The following ALK variants were observed in gnomAD, a reference collection of about 807,000 sequenced individuals.
ALK encodes the protein ALK receptor tyrosine kinase.
Under a neutral mutation model 163.1 loss-of-function variants are expected in ALK, and 74 were observed. The ratio of observed to expected loss-of-function variants is 0.45; its 90% CI spans 0.38 to 0.55. The LOEUF is 0.55. Among genes scored for constraint, ALK ranks in the 20% least tolerant of loss-of-function variants. The probability of loss-of-function intolerance (pLI) is 0.00; values close to 1 mark genes in which losing one functional copy is unlikely to be tolerated. For missense variants in ALK, 2,063 were observed against 2,105.3 expected (o/e 0.98, Z 0.39); for synonymous variants, 960 against 843.2 (o/e 1.14, Z -2.40).
At chr2:29,506,859 C>T (rs1034729458) in intron 4 of ALK, among the ~76,000 whole-genome samples, 3 of 152,038 alleles carry the variant, frequency 2.0e-5, no homozygotes, top group African/African-American at 7.3e-5. Context: ...GACAAAGACA[C>T]TTAAAGGAAG....
intron 1 of ALK, among the ~76,000 whole-genome samples, chr2:29,825,444 A>G (rs192185126): frequency 1.3e-5 from 2 of 152,326 alleles, no homozygotes; most frequent in East Asian, 1.9e-4. Flanking sequence ...AAGTAAATAT[A>G]TATCACAGTG....
At chr2:29,456,577 G>A (rs549224269) in intron 4 of ALK, among the ~76,000 whole-genome samples, 22 of 152,134 alleles carry the variant, frequency 1.4e-4, no homozygotes, top group Middle Eastern at 3.2e-3. Flanking sequence ...AGGACTTATT[G>A]CTCAACTGGT....
At chr2:29,224,711 G>A (rs1264182439) in intron 19 of ALK, 1 of 218,240 alleles carries the variant, frequency 4.6e-6, no homozygotes, top group East Asian at 6.7e-5. Context: ...TGTGTAAATT[G>A]CCGAGCACGT....
chr2:29,355,589 G>A (rs963387959), intron 5 of ALK, among the ~76,000 whole-genome samples: 4 of 152,154 alleles, frequency 2.6e-5, no homozygotes, highest in Non-Finnish European at 5.9e-5. Context: ...TGCCCAATGG[G>A]CCCTAGCAGT....
intron 26 of ALK, among the ~76,000 whole-genome samples, chr2:29,200,299 A>G (rs1316343675): frequency 2.0e-5 from 3 of 152,210 alleles, no homozygotes; most frequent in Admixed American, 1.3e-4. Context: ...TTCTAGATAG[A>G]TATAGGTTAT....
chr2:29,630,576 G>A (rs1676338563), intron 3 of ALK, among the ~76,000 whole-genome samples: 1 of 151,764 alleles, frequency 6.6e-6, no homozygotes, highest in South Asian at 2.1e-4. Flanking sequence ...GAGTGTATTA[G>A]GTATTTATAA....
chr2:29,323,094 A>G (rs909489611), intron 6 of ALK, among the ~76,000 whole-genome samples: 1 of 152,188 alleles, frequency 6.6e-6, no homozygotes, highest in Admixed American at 6.5e-5. Flanking sequence ...TGACCTTACA[A>G]AAGTCCCTTC....
At chr2:29,578,151 G>A (rs1674577470) in intron 3 of ALK, among the ~76,000 whole-genome samples, 1 of 151,962 alleles carries the variant, frequency 6.6e-6, no homozygotes, top group Admixed American at 6.6e-5. Flanking sequence ...TCATGATAGT[G>A]AATAAGTCTC....
intron 9 of ALK, among the ~76,000 whole-genome samples, chr2:29,290,941 G>GGTGGT (rs1194673019): frequency 1.7e-4 from 26 of 152,172 alleles, no homozygotes; most frequent in Non-Finnish European, 3.8e-4. Flanking sequence ...TGCAGCAGGA[G>GGTGGT]GTGGTGGTGG....
At chr2:29,748,855 C>G (rs1312055850) in intron 1 of ALK, among the ~76,000 whole-genome samples, 3 of 152,070 alleles carry the variant, frequency 2.0e-5, no homozygotes, top group Non-Finnish European at 4.4e-5. Context: ...AAGCGATTCT[C>G]GTGCCTCAGC....
intron 3 of ALK, among the ~76,000 whole-genome samples, chr2:29,569,458 A>G (rs373202313): frequency 5.3e-5 from 8 of 152,286 alleles, no homozygotes; most frequent in African/African-American, 1.9e-4. Flanking sequence ...TGGGTTGGAT[A>G]CTTACATGTA....
At chr2:29,445,106 T>C (rs10178439) in intron 4 of ALK, among the ~76,000 whole-genome samples, 127,455 of 152,208 alleles carry the variant, frequency 0.84, 54,307 homozygotes, top group Non-Finnish European at 0.93. Context: ...GAGCCTCTGC[T>C]GAAAAGGTCC....
chr2:29,699,660 A>T (rs1481731372), intron 2 of ALK, among the ~76,000 whole-genome samples: 1 of 152,250 alleles, frequency 6.6e-6, no homozygotes, highest in Non-Finnish European at 1.5e-5. Context: ...CATTTTGCAG[A>T]ATGACTATGA....
At chr2:29,665,325 C>A (rs1677482668) in intron 3 of ALK, among the ~76,000 whole-genome samples, 1 of 151,920 alleles carries the variant, frequency 6.6e-6, no homozygotes, top group Non-Finnish European at 1.5e-5. Flanking sequence ...AACCCCTGAC[C>A]CTCCTAACCT....
intron 3 of ALK, among the ~76,000 whole-genome samples, chr2:29,672,564 T>C (rs1455779794): frequency 6.6e-6 from 1 of 150,778 alleles, no homozygotes; most frequent in Admixed American, 6.6e-5. Flanking sequence ...ATTTTCTTAA[T>C]CCAGTCTATC....
intron 1 of ALK, among the ~76,000 whole-genome samples, chr2:29,726,102 T>C (rs1424534476): frequency 6.6e-6 from 1 of 152,156 alleles, no homozygotes; most frequent in African/African-American, 2.4e-5. Context: ...ATTTTTATTT[T>C]ACTAATCCAA....
chr2:29,900,145 G>A (rs766496188), intron 1 of ALK, among the ~76,000 whole-genome samples: 1 of 152,272 alleles, frequency 6.6e-6, no homozygotes, highest in Non-Finnish European at 1.5e-5. Flanking sequence ...CCAGATGAAT[G>A]GGCTTTGGAA....
chr2:29,200,760 T>TAC (rs1553389059), intron 26 of ALK, among the ~76,000 whole-genome samples: 4 of 104,968 alleles, frequency 3.8e-5, no homozygotes, highest in African/African-American at 5.4e-5. Flanking sequence ...TACGTATATA[T>TAC]GTATATATAT....
chr2:29,838,251 T>C (rs1278534800), intron 1 of ALK, among the ~76,000 whole-genome samples: 1 of 152,118 alleles, frequency 6.6e-6, no homozygotes, highest in African/African-American at 2.4e-5. Flanking sequence ...GTAGCATACA[T>C]GTAATTGGCC....
Sources: allele counts gnomAD v4.1 joint callset (sites outside exome capture counted in the v4.1 genomes callset), GRCh38; gene constraint gnomAD v4.1.1; transcripts MANE v1.5; gene names NCBI Gene and HGNC (gene_info 2026-07-23, HGNC 2026-07-21).